Variants in ZAN observed in about 807,000 individuals in gnomAD.
ZAN encodes zonadhesin, also known as zonadhesin (gene/pseudogene).
A neutral mutation model predicts 286.2 loss-of-function variants in ZAN; 260 were observed. The ratio of observed to expected loss-of-function variants is 0.91; its 90% CI spans 0.82 to 1.01. The LOEUF (loss-of-function observed/expected upper bound fraction) is 1.01, where lower values mean the gene tolerates loss of function less well. Among genes scored for constraint, ZAN ranks in the 50% least tolerant of loss-of-function variants. The pLI is 0.00. For missense variants in ZAN, 3,410 were observed against 3,639.2 expected (o/e 0.94, Z 1.62); for synonymous variants, 1,368 against 1,417.5 (o/e 0.97, Z 0.79).
chr7:100,758,126 A>AAATG, intron 15 of ZAN, 76 bp from the exon 16 acceptor site: 3 of 1,133,822 alleles, frequency 2.6e-6, no homozygotes, highest in Non-Finnish European at 3.5e-6. Flanking sequence ...ATAAATAAAT[A>AAATG]AATGAAAAAG....
chr7:100,754,465 T>TTAAAAA (rs984407655), intron 14 of ZAN, among the ~76,000 whole-genome samples: 1 of 151,598 alleles, frequency 6.6e-6, no homozygotes, highest in African/African-American at 2.4e-5. Context: ...TCTCAAAAAA[T>TTAAAAA]TAAAAATAAA....
chr7:100,789,477 G>A, intron 39 of ZAN, 130 bp downstream of exon 39: 1 of 1,435,370 alleles, frequency 7.0e-7, no homozygotes, highest in Non-Finnish European at 9.4e-7. Context: ...TTCAGAGGAG[G>A]ACCAGGAGGA....
intron 2 of ZAN, among the ~76,000 whole-genome samples, chr7:100,734,455 TA>T (rs1807163109): frequency 7.2e-6 from 1 of 139,110 alleles, no homozygotes; most frequent in African/African-American, 2.6e-5. Flanking sequence ...TCGTCTCTAC[TA>T]AAAATACAAA....
intron 28 of ZAN, among the ~76,000 whole-genome samples, chr7:100,770,755 A>G (rs545069047): frequency 6.6e-6 from 1 of 151,954 alleles, no homozygotes; most frequent in Non-Finnish European, 1.5e-5. Flanking sequence ...CCTGGGCTCA[A>G]GTAATCCTCC....
rs550818761 is a variant in ZAN at position 100,742,923 on chromosome 7, AT to A, written c.767-3607del. On this transcript the variant is annotated intron_variant, in intron 7 of 47. Coordinates refer to ENST00000613979, the MANE Select transcript of ZAN (RefSeq NM_003386.3). ...GGACGATCTGACTTATTTTTTAAGG[AT>A]TTTTTTTGTGTTGAGAATCCACTGA... Among the ~76,000 whole-genome samples, 400 of 74,766 alleles carry A rather than the reference AT, an allele frequency of 5.4e-3. 5 individuals are homozygous for A. The highest frequency in any genetic ancestry group is 0.019 in the African/African-American group (373 of 19,916). The allele number at this position is 74,766 out of a possible 152,430, so 49.0% of individuals were successfully genotyped here.
At chr7:100,777,404 G>A (rs1584613247) in intron 34 of ZAN, among the ~76,000 whole-genome samples, 1 of 151,820 alleles carries the variant, frequency 6.6e-6, no homozygotes, top group Admixed American at 6.6e-5. Context: ...ACCCAGGCTG[G>A]AGTGCAGTGG....
At chr7:100,737,468 A>T in intron 6 of ZAN, 119 bp downstream of exon 6, 3 of 697,272 alleles carry the variant, frequency 4.3e-6, no homozygotes, top group Non-Finnish European at 6.8e-6. Flanking sequence ...GCACTTTGGG[A>T]GGCCGAGGCG....
intron 44 of ZAN, among the ~76,000 whole-genome samples, chr7:100,794,655 G>C (rs1812231152): frequency 6.6e-6 from 1 of 152,018 alleles, no homozygotes; most frequent in Non-Finnish European, 1.5e-5. Context: ...GCAATATAGG[G>C]AGACATCGTC....
At chr7:100,746,976 C>CG (rs1366812138) in intron 8 of ZAN, among the ~76,000 whole-genome samples, 2 of 151,994 alleles carry the variant, frequency 1.3e-5, no homozygotes, top group African/African-American at 4.8e-5. Context: ...CCCAGCTACA[C>CG]GGGAGGCTGA....
At chr7:100,790,057 G>A (rs1811836252) in intron 39 of ZAN, among the ~76,000 whole-genome samples, 2 of 149,662 alleles carry the variant, frequency 1.3e-5, no homozygotes, top group Non-Finnish European at 3.0e-5. Flanking sequence ...CCAGGCATTC[G>A]AGACCAGCCT....
At position 100,755,303 on chromosome 7, in the gene ZAN, C is replaced by A; in HGVS notation, c.3202C>A (p.Pro1068Thr). ...SCKSPRPSCG[P>T]LCREGCVCNP... ...CAAGAGCCCCAGGCCTAGCTGTGGG[C>A]CCCTCTGTCGGGAGGGCTGTGTCTG... The change falls in exon 15 of 48, where the codon CCC becomes ACC. Residue 1068 changes from proline to threonine, a missense_variant. Pro to Thr is a conservative substitution (Grantham distance 38). Coordinates refer to ENST00000613979, the MANE Select transcript of ZAN (RefSeq NM_003386.3). 1 of 1,613,876 alleles carries A rather than the reference C, an allele frequency of 6.2e-7. No homozygotes were observed.
Position 100,755,343 on chromosome 7 carries a change from T to G in ZAN, c.3242T>G (p.Leu1081Trp). 6.2e-7 allele frequency: 1 copy of G among 1,613,882 alleles called. No homozygotes were observed. The highest frequency in any genetic ancestry group is 8.5e-7 in the Non-Finnish European group (1 of 1,179,876). The change falls in exon 15 of 48, where the codon TTG becomes TGG. Residue 1081 changes from leucine (L) to tryptophan (W), a missense_variant. Coordinates refer to ENST00000613979, the MANE Select transcript of ZAN (RefSeq NM_003386.3). ...GGCTGTGTCTGCAACCCTGGCTTTTTGTTTAGTGACAACCACTGCATCCAG... is the reference window on the plus strand; with the variant it reads ...GGCTGTGTCTGCAACCCTGGCTTTTGGTTTAGTGACAACCACTGCATCCAG... ...REGCVCNPGF[L>W]FSDNHCIQAS...
At position 100,786,906 on chromosome 7, in the gene ZAN, T is replaced by A. The variant is rs117754727; in HGVS notation, c.6979+765T>A. Among the ~76,000 whole-genome samples, 16 of 152,074 alleles carry A rather than the reference T, an allele frequency of 1.1e-4. No homozygotes were observed. The East Asian group carries it at 2.5e-3, about 24-fold the overall frequency. On this transcript the variant is annotated intron_variant, in intron 37 of 47. Coordinates refer to ENST00000613979, the MANE Select transcript of ZAN (RefSeq NM_003386.3). ...GTCCCTACAAAAAATTTTAAAATTTTAAAAAATTAGTTAGGTGTAGTGGCT... is the reference window on the plus strand; with the variant it reads ...GTCCCTACAAAAAATTTTAAAATTTAAAAAAATTAGTTAGGTGTAGTGGCT...
chr7:100,786,041 CT>C lies in ZAN; in HGVS notation c.6880del (p.Cys2294AlafsTer60), dbSNP rs1259131355. The C allele has an allele frequency of 6.2e-7, 1 of 1,613,988 alleles. No homozygotes were observed. The highest frequency in any genetic ancestry group is 8.5e-7 in the Non-Finnish European group (1 of 1,179,890). ...VSSGCTEKCV[C>X]TGGAIQCGDF... Reference sequence around the variant, plus strand: ...CCAGCGGTTGCACGGAGAAGTGTGTCTGCACGGGAGGAGCCATTCAGTGCGG... The same window carrying C: ...CCAGCGGTTGCACGGAGAAGTGTGTCGCACGGGAGGAGCCATTCAGTGCGG... On this transcript the variant is annotated frameshift_variant, in exon 37 of 48. Coordinates refer to ENST00000613979, the MANE Select transcript of ZAN (RefSeq NM_003386.3). LOFTEE classifies it high-confidence loss of function.
chr7:100,773,483 C>T lies in ZAN; in HGVS notation c.5624C>T (p.Ser1875Phe), dbSNP rs781496801. Residue 1875 changes from serine (S) to phenylalanine (F), a missense_variant, in exon 30 of 48, where the codon TCC (serine) becomes TTC (phenylalanine). Transcript: ENST00000613979. ...GQCGCTDPAG[S>F]YHPVGERWYT... is the part of the protein sequence containing the mutation. ...TGTGGCTGCACTGACCCAGCGGGCT[C>T]CTACCACCCGGTGAGAGGCCAGCTA... The T allele has an allele frequency of 3.1e-6, 5 of 1,613,440 alleles. No individual in the cohort carries two copies. The highest frequency in any genetic ancestry group is 1.3e-5 in the African/African-American group (1 of 74,932).
At chr7:100,796,321 T>C (rs1266747534) in intron 45 of ZAN, among the ~76,000 whole-genome samples, 1 of 152,040 alleles carries the variant, frequency 6.6e-6, no homozygotes, top group East Asian at 1.9e-4. Flanking sequence ...CAGCTTTATC[T>C]TGCCTAAGAT....
In ZAN at chr7:100,795,317, G is replaced by A. The variant is rs1472317275; in HGVS notation, c.8247G>A (p.Ala2749=). The A allele has an allele frequency of 1.3e-5, 20 of 1,591,280 alleles. No individual in the cohort carries two copies. In the East Asian group the frequency reaches 2.5e-4, roughly 20 times the overall value. Residue 2749 remains alanine, a synonymous_variant, in exon 45 of 48, where the codon GCG becomes GCA. Coordinates refer to ENST00000613979, the MANE Select transcript of ZAN (RefSeq NM_003386.3). Reference sequence around the variant, plus strand: ...GCCTGTGTATGGAGCCTCGAGATGCGCCACCTCCCAGAAAGCCAGGTGAGG... The same window carrying A: ...GCCTGTGTATGGAGCCTCGAGATGCACCACCTCCCAGAAAGCCAGGTGAGG... The part of the protein sequence containing the change: ...GGGLCMEPRD[A]PPPRKPASNL...
intron 28 of ZAN, 96 bp from the exon 29 acceptor site, chr7:100,771,748 G>A (rs1276968858): frequency 7.4e-7 from 1 of 1,357,180 alleles, no homozygotes; most frequent in African/African-American, 1.4e-5. Flanking sequence ...TCCAGGTTTT[G>A]ACTGAAGTGG....
chr7:100,736,754 G>A lies in ZAN; in HGVS notation c.254-55G>A, dbSNP rs943548416. ...CTGGGCTCTGAGAAGGGGATGGGTG[G>A]GGGCAGCCCTCAGAGGTGGCTGGGC... On this transcript the variant is annotated intron_variant, in intron 4 of 47. Transcript: ENST00000613979. 8 of 1,456,454 alleles carry A rather than the reference G, an allele frequency of 5.5e-6. 1 individual carries two copies. In the Admixed American group the frequency reaches 1.4e-4, roughly 26 times the overall value. 90.2% of individuals were successfully genotyped at this position (1,456,454 alleles called of 1,614,324 possible).
Sources: allele counts gnomAD v4.1 joint callset (sites outside exome capture counted in the v4.1 genomes callset), GRCh38; gene constraint gnomAD v4.1.1; transcripts MANE v1.5; gene names NCBI Gene and HGNC (gene_info 2026-07-23, HGNC 2026-07-21).